The following GABRG3 variants were observed in gnomAD, a reference collection of about 807,000 sequenced individuals.
GABRG3 encodes gamma-aminobutyric acid receptor subunit gamma-3.
Under a neutral mutation model 48.8 loss-of-function variants are expected in GABRG3, and 25 were observed. That is an observed-to-expected ratio of 0.51 (90% CI 0.37 to 0.72). The LOEUF (loss-of-function observed/expected upper bound fraction) is 0.72. Ranked by LOEUF, GABRG3 falls within the 30% of genes least tolerant of loss-of-function variation. The pLI is 0.00. For synonymous variants in GABRG3, 227 were observed against 217.6 expected (o/e 1.04, Z -0.38); for missense variants, 394 against 577.9 (o/e 0.68, Z 3.26).
chr15:27,122,605 A>G (rs545779090), intron 3 of GABRG3, among the ~76,000 whole-genome samples: 1 of 152,328 alleles, frequency 6.6e-6, no homozygotes, highest in South Asian at 2.1e-4. Context: ...ACATGATTTC[A>G]GGGAAACTCC....
At chr15:27,082,838 C>G (rs1019856718) in intron 3 of GABRG3, among the ~76,000 whole-genome samples, 1 of 152,206 alleles carries the variant, frequency 6.6e-6, no homozygotes, top group African/African-American at 2.4e-5. Flanking sequence ...TTGATGCTTG[C>G]TAGAGCTCTG....
intron 5 of GABRG3, among the ~76,000 whole-genome samples, chr15:27,388,094 GAA>G (rs1231312723): frequency 2.1e-5 from 1 of 48,270 alleles, no homozygotes; most frequent in Non-Finnish European, 4.0e-5. Context: ...AAGGAGGGAG[GAA>G]AGGGAGGGAG....
At chr15:26,980,146 A>G (rs1895025844) in intron 2 of GABRG3, among the ~76,000 whole-genome samples, 1 of 152,096 alleles carries the variant, frequency 6.6e-6, no homozygotes, top group African/African-American at 2.4e-5. Context: ...TGATGTCTGT[A>G]GGACCTATAA....
intron 5 of GABRG3, among the ~76,000 whole-genome samples, chr15:27,360,675 C>G (rs1894991656): frequency 6.6e-6 from 1 of 152,190 alleles, no homozygotes; most frequent in Non-Finnish European, 1.5e-5. Flanking sequence ...CCAGCCTGCT[C>G]CTGCTCCCCT....
chr15:27,247,028 A>G (rs1283081234), intron 3 of GABRG3, among the ~76,000 whole-genome samples: 4 of 152,214 alleles, frequency 2.6e-5, no homozygotes, highest in Non-Finnish European at 5.9e-5. Flanking sequence ...CAGTGGCACA[A>G]TCTGGGTGCA....
chr15:27,154,465 T>A (rs1452583094), intron 3 of GABRG3, among the ~76,000 whole-genome samples: 1 of 152,220 alleles, frequency 6.6e-6, no homozygotes, highest in Non-Finnish European at 1.5e-5. Context: ...CTGCAATGTT[T>A]ACTCTATGTT....
At chr15:27,134,105 C>T (rs2140384969) in intron 3 of GABRG3, among the ~76,000 whole-genome samples, 1 of 152,282 alleles carries the variant, frequency 6.6e-6, no homozygotes, top group South Asian at 2.1e-4. Flanking sequence ...CATCACTGAG[C>T]TTGTCCATAG....
chr15:27,183,817 A>G (rs1000176355), intron 3 of GABRG3, among the ~76,000 whole-genome samples: 21 of 152,174 alleles, frequency 1.4e-4, no homozygotes, highest in African/African-American at 4.8e-4. Flanking sequence ...TATTTAATCT[A>G]TGTGTTTTAA....
At chr15:27,078,063 G>A (rs1896938042) in intron 3 of GABRG3, among the ~76,000 whole-genome samples, 1 of 152,226 alleles carries the variant, frequency 6.6e-6, no homozygotes, top group African/African-American at 2.4e-5. Flanking sequence ...GTGATGATCA[G>A]TGTTATATGT....
intron 3 of GABRG3, among the ~76,000 whole-genome samples, chr15:27,289,663 A>G (rs1421729135): frequency 6.6e-6 from 1 of 152,208 alleles, no homozygotes; most frequent in East Asian, 1.9e-4. Context: ...ACAGTATACA[A>G]GAATTAAGTG....
rs1898190120 is a variant in GABRG3, at chr15:27,145,614, T to TATCTATC, written c.270+118794_270+118800dup. Among the ~76,000 whole-genome samples, 15 of 143,602 alleles carry TATCTATC rather than the reference T, an allele frequency of 1.0e-4. 1 individual carries two copies. The highest frequency in any genetic ancestry group is 3.8e-4 in the African/African-American group (14 of 37,278). The allele number at this position is 143,602 out of a possible 152,430, so 94.2% of individuals were successfully genotyped here. ...ATACATATATCTATCTCTATCTATC[T>TATCTATC]ATCTATCTATCTATCTATCTATCTA... On this transcript the variant is annotated intron_variant, in intron 3 of 9. Transcript: ENST00000615808.
At chr15:27,351,409 GTT>G (rs1894582613) in intron 5 of GABRG3, among the ~76,000 whole-genome samples, 1 of 140,902 alleles carries the variant, frequency 7.1e-6, no homozygotes, top group Admixed American at 7.1e-5. Flanking sequence ...TGTGTATAGT[GTT>G]TGTGTGTGTG....
At chr15:27,493,421 C>A (rs1362165919) in intron 6 of GABRG3, among the ~76,000 whole-genome samples, 2 of 151,888 alleles carry the variant, frequency 1.3e-5, no homozygotes, top group African/African-American at 2.4e-5. Context: ...GATTCATAGA[C>A]CAGTATGCAG....
At chr15:27,080,769 A>G (rs916651953) in intron 3 of GABRG3, among the ~76,000 whole-genome samples, 15 of 152,176 alleles carry the variant, frequency 9.9e-5, no homozygotes, top group African/African-American at 2.7e-4. Flanking sequence ...TGAGTTTCCA[A>G]TCTCTCCCAT....
chr15:27,235,979 A>G (rs1889949339), intron 3 of GABRG3, among the ~76,000 whole-genome samples: 1 of 152,186 alleles, frequency 6.6e-6, no homozygotes, highest in Non-Finnish European at 1.5e-5. Context: ...TCTTGATAGA[A>G]GTAAAGTTCT....
intron 5 of GABRG3, among the ~76,000 whole-genome samples, chr15:27,429,688 T>C (rs938694646): frequency 2.0e-5 from 3 of 152,210 alleles, no homozygotes; most frequent in African/African-American, 2.4e-5. Context: ...GTGACTGACC[T>C]CTTTCACTTA....
chr15:27,092,551 G>A (rs939500722), intron 3 of GABRG3, among the ~76,000 whole-genome samples: 55 of 152,162 alleles, frequency 3.6e-4, no homozygotes, highest in African/African-American at 9.7e-5. Flanking sequence ...AGCAACAAGC[G>A]GATGCTCTGG....
chr15:27,419,986 A>C (rs1042725797), intron 5 of GABRG3, among the ~76,000 whole-genome samples: 1 of 152,216 alleles, frequency 6.6e-6, no homozygotes, highest in Non-Finnish European at 1.5e-5. Flanking sequence ...TCTGTTTTCC[A>C]CTAACTTAAA....
At chr15:27,381,033 A>G (rs892012894) in intron 5 of GABRG3, among the ~76,000 whole-genome samples, 35 of 152,112 alleles carry the variant, frequency 2.3e-4, no homozygotes, top group East Asian at 9.7e-4. Context: ...CCAAAGTGCT[A>G]GGATTACAGG....
Sources: gnomAD v4.1 joint callset for allele counts (sites outside exome capture counted in the v4.1 genomes callset) on GRCh38, gnomAD v4.1.1 for gene constraint, MANE v1.5 for transcripts, NCBI Gene and HGNC (gene_info 2026-07-23, HGNC 2026-07-21) for gene names.